The following EVC2 variants were observed in gnomAD, a reference collection of about 807,000 sequenced individuals.
EVC2 encodes limbin.
EVC2 carries 148 observed loss-of-function variants against 149.3 expected under a neutral mutation model. The ratio of observed to expected loss-of-function variants is 0.99; its 90% CI spans 0.87 to 1.14. The LOEUF (loss-of-function observed/expected upper bound fraction) is 1.14. EVC2 is among the 50% of genes most tolerant of loss of function. EVC2 has a pLI of 0.00. For synonymous variants in EVC2, 776 were observed against 649.9 expected (o/e 1.19, Z -2.95); for missense variants, 1,854 against 1,627.3 (o/e 1.14, Z -2.40).
chr4:5,706,513 A>T (rs1560244019), intron 1 of EVC2, among the ~76,000 whole-genome samples: 1 of 150,958 alleles, frequency 6.6e-6, no homozygotes, highest in Non-Finnish European at 1.5e-5. Flanking sequence ...GATGGTATCA[A>T]GTAATTACAT....
intron 21 of EVC2, among the ~76,000 whole-genome samples, chr4:5,556,780 A>T (rs1721847395): frequency 6.6e-6 from 1 of 152,214 alleles, no homozygotes; most frequent in Non-Finnish European, 1.5e-5. Context: ...CAGTAAAAGC[A>T]TCATAAAAGA....
intron 1 of EVC2, among the ~76,000 whole-genome samples, chr4:5,702,449 A>T (rs995686435): frequency 6.6e-6 from 1 of 152,196 alleles, no homozygotes; most frequent in African/African-American, 2.4e-5. Flanking sequence ...CTCAATAGAC[A>T]TTGCGAAAGA....
Position 5,632,027 on chromosome 4 carries a change from A to G in EVC2, c.1476T>C (p.Ala492=), listed in dbSNP as rs141479252. The G allele has an allele frequency of 3.7e-6, 6 of 1,614,036 alleles. No homozygotes were observed. The highest frequency in any genetic ancestry group is 3.3e-4 in the Middle Eastern group (2 of 5,988). Residue 492 remains alanine (A), a synonymous_variant, in exon 11 of 22, where the codon GCT becomes GCC. Coordinates refer to ENST00000344408, the MANE Select transcript of EVC2 (RefSeq NM_147127.5). The part of the protein sequence containing the change: ...ELLKRAGERS[A]VECSNLLRTL... Reference sequence around the variant, plus strand: ...TCCGCAGAAGGTTGCTGCACTCTACAGCAGACTGGAGAGAGGAAAGGGAGA... The same window carrying G: ...TCCGCAGAAGGTTGCTGCACTCTACGGCAGACTGGAGAGAGGAAAGGGAGA...
intron 16 of EVC2, among the ~76,000 whole-genome samples, chr4:5,590,987 C>T (rs1189641859): frequency 1.3e-5 from 2 of 152,110 alleles, no homozygotes; most frequent in African/African-American, 2.4e-5. Context: ...CTCACTATCA[C>T]GAGAACAGCA....
chr4:5,622,117 G>A lies in EVC2; in HGVS notation c.2501+420C>T, dbSNP rs116753583. 9.9e-5 allele frequency among the ~76,000 whole-genome samples: 15 copies of A among 152,142 alleles called. No individual in the cohort carries two copies. The highest frequency in any genetic ancestry group is 3.6e-4 in the African/African-American group (15 of 41,534). On this transcript the variant is annotated intron_variant, in intron 14 of 21. Coordinates refer to ENST00000344408, the MANE Select transcript of EVC2 (RefSeq NM_147127.5). The surrounding 1 kb of genome is among the most constrained non-coding windows in gnomAD (Gnocchi z 5.8). ...TAGCAGGGCCTGGAATGGCCTAACC[G>A]CAAGCTCCCCTTCCCCCTCTGCTCC...
chr4:5,622,596 A>T lies in EVC2; in HGVS notation c.2442T>A (p.Ala814=). ...QSVRQRLKDD[A]PEAVTEEQAE... is the part of the protein sequence containing the mutation. Reference sequence around the variant, plus strand: ...CCTGCTCCTCTGTCACGGCCTCAGGAGCGTCATCCTTCAGTCTCTGCCTCA... The same window carrying T: ...CCTGCTCCTCTGTCACGGCCTCAGGTGCGTCATCCTTCAGTCTCTGCCTCA... The change falls in exon 14 of 22, where the codon GCT becomes GCA. Residue 814 remains alanine (A), a synonymous_variant. Transcript: ENST00000344408. The surrounding 1 kb of genome is among the most constrained non-coding windows in gnomAD (Gnocchi z 5.8). The T allele has an allele frequency of 1.9e-6, 3 of 1,613,770 alleles. No individual in the cohort carries two copies. Among genetic ancestry groups the T allele is most frequent in the Non-Finnish European group, 2.5e-6 (3 of 1,179,922 alleles).
intron 6 of EVC2, among the ~76,000 whole-genome samples, chr4:5,684,712 T>A (rs1229203444): frequency 6.6e-6 from 1 of 152,150 alleles, no homozygotes; most frequent in African/African-American, 2.4e-5. Context: ...TCCCAAAATT[T>A]ATATGTTAAA....
At chr4:5,594,937 C>A (rs990821166) in intron 16 of EVC2, among the ~76,000 whole-genome samples, 1 of 152,016 alleles carries the variant, frequency 6.6e-6, no homozygotes, top group African/African-American at 2.4e-5. Context: ...GCCTCCGGAG[C>A]CGATGCGATC....
intron 21 of EVC2, among the ~76,000 whole-genome samples, chr4:5,544,590 G>C (rs1393781444): frequency 6.6e-6 from 1 of 152,200 alleles, no homozygotes; most frequent in Non-Finnish European, 1.5e-5. Context: ...CAAGAGGGAA[G>C]AGTAGACTCC....
chr4:5,615,362 C>G lies in EVC2; in HGVS notation c.2829+60G>C. ...CTCTGTGTGCCTGCAAATGTGTCAG[C>G]TATCAGAGCAGCCCCGCCATGTGCA... On this transcript the variant is annotated intron_variant, in intron 16 of 21. Coordinates refer to ENST00000344408, the MANE Select transcript of EVC2 (RefSeq NM_147127.5). The G allele has an allele frequency of 4.3e-6, 7 of 1,612,142 alleles. No individual in the cohort carries two copies. The South Asian group carries it at 7.7e-5, about 18-fold the overall frequency.
rs1489887268 is a variant in EVC2, at chr4:5,677,387, T to C, written c.870+3873A>G. ...CTGTGCATACACCTCCTCTTCCCACTCAACAGGGAGCTCCCTGAATGTGGT... is the reference window on the plus strand; with the variant it reads ...CTGTGCATACACCTCCTCTTCCCACCCAACAGGGAGCTCCCTGAATGTGGT... On this transcript the variant is annotated intron_variant, in intron 7 of 21. Transcript: ENST00000344408. This position sits in a 1 kb window ranked among gnomAD's most constrained non-coding sequence, Gnocchi z 4.3. Among the ~76,000 whole-genome samples the C allele has an allele frequency of 6.6e-6, 1 of 152,046 alleles. No homozygotes were observed. Among genetic ancestry groups the C allele is most frequent in the Non-Finnish European group, 1.5e-5 (1 of 68,016 alleles).
In EVC2 at chr4:5,685,884, T is replaced by C. The variant is rs540064590; in HGVS notation, c.707-405A>G. On this transcript the variant is annotated intron_variant, in intron 5 of 21. Coordinates refer to ENST00000344408, the MANE Select transcript of EVC2 (RefSeq NM_147127.5). ...ACCAGGACTGGAGGCCTTCGCCTGA[T>C]GTGGCCGGGTGGGTGATGGAGCCCG... Among the ~76,000 whole-genome samples the C allele has an allele frequency of 2.0e-5, 3 of 152,298 alleles. No homozygotes were observed. In the South Asian group the frequency reaches 6.2e-4, roughly 32 times the overall value.
At chr4:5,554,241 A>C (rs1385449313) in intron 21 of EVC2, among the ~76,000 whole-genome samples, 1 of 152,150 alleles carries the variant, frequency 6.6e-6, no homozygotes, top group Non-Finnish European at 1.5e-5. Flanking sequence ...CCAAATCTGG[A>C]AAGACAAGCT....
chr4:5,626,625 C>T (rs999764462), intron 12 of EVC2, among the ~76,000 whole-genome samples: 3 of 152,052 alleles, frequency 2.0e-5, no homozygotes, highest in Admixed American at 6.6e-5. Context: ...TGAGCTACTG[C>T]GCCTGGCCGA....
intron 16 of EVC2, among the ~76,000 whole-genome samples, 176 bp from the exon 17 acceptor site, chr4:5,585,026 T>G (rs1712158012): frequency 6.6e-6 from 1 of 152,188 alleles, no homozygotes; most frequent in African/African-American, 2.4e-5. Context: ...TGTCCCTGCG[T>G]ATGAAGACGC....
intron 16 of EVC2, among the ~76,000 whole-genome samples, chr4:5,602,981 G>A (rs1480249633): frequency 3.3e-4 from 50 of 152,194 alleles, no homozygotes; most frequent in Non-Finnish European, 1.5e-5. Context: ...GCTGGGGGAA[G>A]CTGCTCTTCT....
chr4:5,563,872 G>A (rs1722102008), intron 21 of EVC2, among the ~76,000 whole-genome samples: 1 of 152,086 alleles, frequency 6.6e-6, no homozygotes, highest in Non-Finnish European at 1.5e-5. Flanking sequence ...CAGGCAAAAT[G>A]CGTTTGCCAT....
rs764914852 is a variant in EVC2 at position 5,640,890 on chromosome 4, A to C, written c.1146-52T>G. 2 of 1,602,044 alleles carry C rather than the reference A, an allele frequency of 1.2e-6. No homozygotes were observed. The highest frequency in any genetic ancestry group is 1.7e-6 in the Non-Finnish European group (2 of 1,170,072). On this transcript the variant is annotated intron_variant, in intron 9 of 21. Transcript: ENST00000344408. This position sits in a 1 kb window ranked among gnomAD's most constrained non-coding sequence, Gnocchi z 4.6. ...TCCATTACATGAAATTGCAACAGAA[A>C]CCAAAGGTCTTTCAAAGCTCTGAGG...
intron 12 of EVC2, among the ~76,000 whole-genome samples, chr4:5,627,756 A>C (rs1182603089): frequency 6.6e-6 from 1 of 152,226 alleles, no homozygotes; most frequent in Non-Finnish European, 1.5e-5. Context: ...TGCTGCTCAG[A>C]AAAACCATTT....
Sources: gnomAD v4.1 joint callset for allele counts (sites outside exome capture counted in the v4.1 genomes callset) on GRCh38, gnomAD v4.1.1 for gene constraint, Gnocchi (gnomAD v3.1) non-coding constraint, MANE v1.5 for transcripts, NCBI Gene and HGNC (gene_info 2026-07-23, HGNC 2026-07-21) for gene names.